The following RALY variants were observed in gnomAD, a reference collection of about 807,000 sequenced individuals.
RALY encodes the protein RNA-binding protein Raly.
A neutral mutation model predicts 30.7 loss-of-function variants in RALY; 15 were observed. The ratio of observed to expected loss-of-function variants is 0.49; its 90% CI spans 0.33 to 0.75. RALY has a LOEUF of 0.75. Ranked by LOEUF, RALY falls within the 30% of genes least tolerant of loss-of-function variation. RALY has a pLI of 0.02. For synonymous variants in RALY, 177 were observed against 170.8 expected, an observed-to-expected ratio of 1.04 and a Z score of -0.28; for missense variants, 339 against 414.3, an observed-to-expected ratio of 0.82 and a Z score of 1.58.
chr20:34,063,487 G>A (rs1344591140), intron 2 of RALY, among the ~76,000 whole-genome samples: 1 of 152,218 alleles, frequency 6.6e-6, no homozygotes, highest in African/African-American at 2.4e-5. Flanking sequence ...TATCTGTAGA[G>A]TGCAGATGAT....
rs1481343537 is a variant in RALY, at chr20:34,080,902, A to G, written c.*997A>G. On this transcript the variant is annotated 3_prime_UTR_variant, in exon 10 of 10. Transcript: ENST00000246194. ...TCACACTCCGGGCAGGTTTGGTAGC[A>G]AGGAATAGAGCGTACTCCAGTGACA... 1.3e-5 allele frequency: 2 copies of G among 152,214 alleles called. No homozygotes were observed. Among genetic ancestry groups the G allele is most frequent in the Non-Finnish European group, 2.9e-5 (2 of 68,056 alleles). The allele number at this position is 152,214 out of a possible 1,614,324, so 9.4% of individuals were successfully genotyped here.
chr20:33,999,528 C>G (rs1444477397), intron 1 of RALY, among the ~76,000 whole-genome samples: 1 of 152,140 alleles, frequency 6.6e-6, no homozygotes, highest in African/African-American at 2.4e-5. Flanking sequence ...TACGTTAAGC[C>G]AAGAAAAGTT....
At chr20:34,019,093 C>T (rs927391602) in intron 1 of RALY, among the ~76,000 whole-genome samples, 3 of 152,058 alleles carry the variant, frequency 2.0e-5, no homozygotes, top group Non-Finnish European at 4.4e-5. Flanking sequence ...GAGGTCGAGG[C>T]GGGTGGATCA....
chr20:34,013,252 A>T (rs1390268351), intron 1 of RALY, among the ~76,000 whole-genome samples: 2 of 145,572 alleles, frequency 1.4e-5, no homozygotes. Context: ...CAAACAAAAT[A>T]AAAAAAAAAA....
At position 34,083,273 on chromosome 20, in the gene RALY, C is replaced by G. The variant is rs1568706991; in HGVS notation, c.*3368C>G. On this transcript the variant is annotated 3_prime_UTR_variant, in exon 10 of 10. Transcript: ENST00000246194. ...GTGTGGCTGAAGTGAGCTGGCAGATCAGCTGGGGACTGGCTGGTCTCAGAT... is the reference window on the plus strand; with the variant it reads ...GTGTGGCTGAAGTGAGCTGGCAGATGAGCTGGGGACTGGCTGGTCTCAGAT... 6.6e-6 allele frequency: 1 copy of G among 152,196 alleles called. No individual in the cohort carries two copies. The highest frequency in any genetic ancestry group is 2.4e-5 in the African/African-American group (1 of 41,446). The allele number at this position is 152,196 out of a possible 1,614,324, so 9.4% of individuals were successfully genotyped here.
chr20:34,020,700 A>T (rs1338361840), intron 1 of RALY, among the ~76,000 whole-genome samples: 2 of 152,246 alleles, frequency 1.3e-5, no homozygotes, highest in African/African-American at 4.8e-5. Context: ...ACAGTGGCAG[A>T]GTTGAATACC....
chr20:33,999,696 A>C (rs1002174503), intron 1 of RALY, among the ~76,000 whole-genome samples: 2 of 152,190 alleles, frequency 1.3e-5, no homozygotes, highest in African/African-American at 4.8e-5. Context: ...CTCATGATCC[A>C]GAAGGGCAGA....
intron 1 of RALY, among the ~76,000 whole-genome samples, chr20:34,025,143 G>C (rs1033702502): frequency 6.6e-6 from 1 of 152,174 alleles, no homozygotes; most frequent in African/African-American, 2.4e-5. Flanking sequence ...TGCCTTCAGG[G>C]GAGCCCTGCC....
intron 1 of RALY, among the ~76,000 whole-genome samples, chr20:33,997,683 G>T (rs990518981): frequency 3.9e-5 from 6 of 152,196 alleles, no homozygotes; most frequent in African/African-American, 1.4e-4. Flanking sequence ...CTCACTGCTT[G>T]CAGTTGGTTA....
intron 1 of RALY, among the ~76,000 whole-genome samples, chr20:34,008,680 A>G (rs977116609): frequency 5.3e-5 from 8 of 152,152 alleles, no homozygotes; most frequent in African/African-American, 1.9e-4. Context: ...TTAAATTGAG[A>G]CAGGGTCTTG....
chr20:34,041,107 A>G (rs1173760784), intron 2 of RALY, among the ~76,000 whole-genome samples: 1 of 152,240 alleles, frequency 6.6e-6, no homozygotes, highest in African/African-American at 2.4e-5. Flanking sequence ...CATCGTGATC[A>G]TGGAACAGAG....
chr20:34,050,120 ACT>A (rs1256945392), intron 2 of RALY, among the ~76,000 whole-genome samples: 1 of 152,098 alleles, frequency 6.6e-6, no homozygotes, highest in East Asian at 1.9e-4. Flanking sequence ...TTCATTGGCT[ACT>A]CATAGCAACT....
chr20:34,069,486 T>A (rs1043757445), intron 2 of RALY, among the ~76,000 whole-genome samples: 1 of 152,124 alleles, frequency 6.6e-6, no homozygotes, highest in Non-Finnish European at 1.5e-5. Context: ...CTTGGTTGAC[T>A]CCCTCTAGCC....
At chr20:34,040,039 A>G (rs2032640670) in intron 2 of RALY, among the ~76,000 whole-genome samples, 1 of 151,998 alleles carries the variant, frequency 6.6e-6, no homozygotes, top group Non-Finnish European at 1.5e-5. Flanking sequence ...TGAACCCAGG[A>G]GGCGGAGGTT....
At chr20:34,012,437 G>C (rs10084516) in intron 1 of RALY, among the ~76,000 whole-genome samples, 16,613 of 108,290 alleles carry the variant, frequency 0.15, 3,056 homozygotes, top group African/African-American at 0.42. Flanking sequence ...GTTGTGCCTT[G>C]CTTGCCTCTT....
At chr20:33,997,632 G>A (rs1017210122) in intron 1 of RALY, among the ~76,000 whole-genome samples, 2 of 152,166 alleles carry the variant, frequency 1.3e-5, no homozygotes, top group Non-Finnish European at 2.9e-5. Context: ...AGGCACACAG[G>A]AGGGATTAGC....
At chr20:34,050,027 A>G (rs2033023306) in intron 2 of RALY, among the ~76,000 whole-genome samples, 1 of 152,178 alleles carries the variant, frequency 6.6e-6, no homozygotes, top group Non-Finnish European at 1.5e-5. Context: ...CTAAACTTTT[A>G]AGATCATGTG....
At position 34,083,178 on chromosome 20, in the gene RALY, G is replaced by A. The variant is rs2034056505; in HGVS notation, c.*3273G>A. ...TAGTAGCCTTAATAAACATTTATTA[G>A]CTCCTGAGTGAGTGGCTTGGCAGTT... On this transcript the variant is annotated 3_prime_UTR_variant, in exon 10 of 10. Transcript: ENST00000246194. 1 of 152,286 alleles carries A rather than the reference G, an allele frequency of 6.6e-6. No individual in the cohort carries two copies. The highest frequency in any genetic ancestry group is 1.5e-5 in the Non-Finnish European group (1 of 68,086). The allele number at this position is 152,286 out of a possible 1,614,324, so 9.4% of individuals were successfully genotyped here.
intron 1 of RALY, among the ~76,000 whole-genome samples, chr20:34,021,363 G>A (rs1356808999): frequency 1.3e-5 from 2 of 152,188 alleles, no homozygotes; most frequent in Non-Finnish European, 2.9e-5. Flanking sequence ...GCTTCTGGAG[G>A]CTGGGAAGTC....
Sources: gnomAD v4.1 joint callset for allele counts (sites outside exome capture counted in the v4.1 genomes callset) on GRCh38, gnomAD v4.1.1 for gene constraint, MANE v1.5 for transcripts, NCBI Gene and HGNC (gene_info 2026-07-23, HGNC 2026-07-21) for gene names.